APPL1: variants seen among roughly 807,000 people sequenced by gnomAD.
APPL1 encodes DCC-interacting protein 13-alpha.
APPL1 carries 42 observed loss-of-function variants against 106.8 expected under a neutral mutation model. The observed-to-expected ratio is 0.39, with a 90% CI of 0.31 to 0.51. The LOEUF is 0.51. Among genes scored for constraint, APPL1 ranks in the 20% least tolerant of loss-of-function variants. The probability of loss-of-function intolerance (pLI) is 0.75; values close to 1 mark genes in which losing one functional copy is unlikely to be tolerated. For synonymous variants in APPL1, 263 were observed against 281.8 expected, an observed-to-expected ratio of 0.93 and a Z score of 0.67; for missense variants, 769 against 858.2, an observed-to-expected ratio of 0.90 and a Z score of 1.30.
chr3:57,237,449 C>A, intron 2 of APPL1, 43 bp from the exon 3 acceptor site: 1 of 1,454,584 alleles, frequency 6.9e-7, no homozygotes, highest in Non-Finnish European at 9.4e-7. Flanking sequence ...AAAACTAAAA[C>A]TTTTTTCCCA....
intron 11 of APPL1, among the ~76,000 whole-genome samples, chr3:57,251,018 A>G (rs1273873085): frequency 2.0e-5 from 3 of 147,272 alleles, no homozygotes; most frequent in African/African-American, 7.4e-5. Context: ...CGTGTTAGCC[A>G]GGATGGTCTC....
At chr3:57,242,220 T>C (rs2060749789) in intron 6 of APPL1, 78 bp downstream of exon 6, 1 of 1,116,466 alleles carries the variant, frequency 9.0e-7, no homozygotes. Context: ...CCAGATTCTT[T>C]GTAATAATTG....
chr3:57,239,327 ATCT>A (rs200864220), intron 4 of APPL1, among the ~76,000 whole-genome samples: 3,706 of 152,224 alleles, frequency 0.024, 64 homozygotes, highest in South Asian at 0.035. Context: ...TCAACCACTA[ATCT>A]TCTTTCTGTA....
intron 11 of APPL1, among the ~76,000 whole-genome samples, chr3:57,250,868 C>T (rs527343079): frequency 3.0e-5 from 4 of 132,064 alleles, no homozygotes; most frequent in Non-Finnish European, 6.2e-5. Context: ...AGTGCAGTGG[C>T]GCGATCTCGG....
intron 5 of APPL1, 90 bp downstream of exon 5, chr3:57,240,642 A>G: frequency 9.1e-7 from 1 of 1,104,442 alleles, no homozygotes; most frequent in Non-Finnish European, 1.4e-6. Flanking sequence ...CCATTTCTGG[A>G]TGACAGCCTA....
chr3:57,262,697 C>G (rs972057314), intron 19 of APPL1, among the ~76,000 whole-genome samples: 2 of 151,384 alleles, frequency 1.3e-5, no homozygotes, highest in African/African-American at 4.9e-5. Flanking sequence ...GAAAAAGAAC[C>G]TTTAATAGAA....
intron 1 of APPL1, among the ~76,000 whole-genome samples, chr3:57,233,045 A>G (rs1283259769): frequency 1.3e-5 from 2 of 152,180 alleles, no homozygotes; most frequent in Non-Finnish European, 1.5e-5. Flanking sequence ...AAAGTGGTTC[A>G]TAAGATTCGA....
rs535511469 is a variant in APPL1, at chr3:57,243,122, A to G, written c.474+208A>G. Reference sequence around the variant, plus strand: ...TTTTCTTCTGCCAAAATTTGATGTTATAAGTAAATATAACTATTCTGGAAA... The same window carrying G: ...TTTTCTTCTGCCAAAATTTGATGTTGTAAGTAAATATAACTATTCTGGAAA... On this transcript the variant is annotated intron_variant, in intron 7 of 21. Coordinates refer to ENST00000288266, the MANE Select transcript of APPL1 (RefSeq NM_012096.3). 2.6e-5 allele frequency among the ~76,000 whole-genome samples: 4 copies of G among 152,330 alleles called. No individual in the cohort carries two copies. The South Asian group carries it at 8.3e-4, about 32-fold the overall frequency.
At chr3:57,240,745 A>G (rs998414357) in intron 5 of APPL1, among the ~76,000 whole-genome samples, 193 bp downstream of exon 5, 3 of 152,242 alleles carry the variant, frequency 2.0e-5, no homozygotes, top group Non-Finnish European at 2.9e-5. Flanking sequence ...TGGATAAGAT[A>G]TCCCCTCTTT....
At position 57,269,754 on chromosome 3, in the gene APPL1, A is replaced by AAGG; in HGVS notation, c.*68_*69insGGA. ...TTTCTATGGTGAAATGGCAGAAGGT[A>AAGG]ACAACTATGTTGAAATATCAAGGAG... On this transcript the variant is annotated 3_prime_UTR_variant, in exon 22 of 22. Coordinates refer to ENST00000288266, the MANE Select transcript of APPL1 (RefSeq NM_012096.3). 6.5e-7 allele frequency: 1 copy of AAGG among 1,532,504 alleles called. No homozygotes were observed. Among genetic ancestry groups the AAGG allele is most frequent in the South Asian group, 1.2e-5 (1 of 86,258 alleles). 94.9% of individuals were successfully genotyped at this position (1,532,504 alleles called of 1,614,324 possible).
chr3:57,235,233 A>T (rs2060710259), intron 1 of APPL1, among the ~76,000 whole-genome samples: 1 of 152,182 alleles, frequency 6.6e-6, no homozygotes, highest in Non-Finnish European at 1.5e-5. Flanking sequence ...CATTTAAAAT[A>T]TTTATACTAC....
In APPL1 at chr3:57,271,715, T is replaced by TAAGA. The variant is rs1467760303; in HGVS notation, c.*2031_*2032insAAAG. 6.6e-6 allele frequency: 1 copy of TAAGA among 152,206 alleles called. No individual in the cohort carries two copies. The highest frequency in any genetic ancestry group is 1.5e-5 in the Non-Finnish European group (1 of 68,048). 9.4% of individuals were successfully genotyped at this position (152,206 alleles called of 1,614,324 possible). A position where few individuals can be genotyped will look rare whatever the true frequency, so the allele number is the denominator to read the frequency against. ...CCTGGGTCATAGTGTAGGCTAGAGT[T>TAAGA]AAGGCACTGGCAGACTTAGGGATGC... is the stretch of plus-strand genomic sequence containing the variant. On this transcript the variant is annotated 3_prime_UTR_variant, in exon 22 of 22. Coordinates refer to ENST00000288266, the MANE Select transcript of APPL1 (RefSeq NM_012096.3).
chr3:57,238,301 G>A, intron 4 of APPL1, 185 bp downstream of exon 4: 1 of 505,868 alleles, frequency 2.0e-6, no homozygotes. Context: ...TGTTTTCCAG[G>A]AATAAACTTA....
rs771118849 is a variant in APPL1, at chr3:57,259,889, A to G, written c.1528A>G (p.Met510Val). The change falls in exon 17 of 22, where the codon ATG becomes GTG. Residue 510 changes from methionine (M) to valine (V), a missense_variant. Coordinates refer to ENST00000288266, the MANE Select transcript of APPL1 (RefSeq NM_012096.3). The part of the protein sequence containing the change: ...QLFIVRFLGS[M>V]EVKSDDHPDV... ...ATTTATTGTCCGATTCCTTGGTTCA[A>G]TGGAGGTGAAATCAGATGACCATCC... 6.2e-6 allele frequency: 10 copies of G among 1,612,846 alleles called. No individual in the cohort carries two copies. Among genetic ancestry groups the G allele is most frequent in the African/African-American group, 5.3e-5 (4 of 74,836 alleles).
intron 19 of APPL1, among the ~76,000 whole-genome samples, chr3:57,264,522 A>G (rs1363625004): frequency 1.3e-5 from 2 of 151,532 alleles, no homozygotes; most frequent in Non-Finnish European, 2.9e-5. Context: ...AAGGTCTTAG[A>G]TTTAAGGCTT....
intron 21 of APPL1, 30 bp downstream of exon 21, chr3:57,268,517 G>A: frequency 6.5e-7 from 1 of 1,549,494 alleles, no homozygotes; most frequent in Non-Finnish European, 8.7e-7. Flanking sequence ...GGATCTTTAT[G>A]TGTTGTTTGT....
At chr3:57,244,347 G>A (rs1316112428) in intron 7 of APPL1, among the ~76,000 whole-genome samples, 2 of 152,048 alleles carry the variant, frequency 1.3e-5, no homozygotes, top group African/African-American at 4.8e-5. Context: ...GTAGAGGTGG[G>A]GTTTCACCAT....
At chr3:57,240,931 T>C (rs1482969745) in intron 5 of APPL1, among the ~76,000 whole-genome samples, 1 of 152,204 alleles carries the variant, frequency 6.6e-6, no homozygotes, top group African/African-American at 2.4e-5. Flanking sequence ...AGAACAGTCA[T>C]TGTTCTGTTA....
In APPL1 at chr3:57,228,770, A is replaced by G. The variant is rs1318500451; in HGVS notation, c.54+833A>G. On this transcript the variant is annotated intron_variant, in intron 1 of 21. Transcript: ENST00000288266. The surrounding 1 kb of genome is among the most constrained non-coding windows in gnomAD (Gnocchi z 4.6). ...CAGGGGCTGTAACTTGCATAGGGAA[A>G]ACTTCATCTCTAAGCCGTTTTACAC... Among the ~76,000 whole-genome samples the G allele has an allele frequency of 3.9e-5, 6 of 152,342 alleles. No homozygotes were observed. Among genetic ancestry groups the G allele is most frequent in the Non-Finnish European group, 7.4e-5 (5 of 68,024 alleles).
Sources: allele counts gnomAD v4.1 joint callset (sites outside exome capture counted in the v4.1 genomes callset), GRCh38; gene constraint gnomAD v4.1.1; non-coding constraint Gnocchi (gnomAD v3.1); transcripts MANE v1.5; gene names NCBI Gene and HGNC (gene_info 2026-07-23, HGNC 2026-07-21).